OXSR1: variants seen among roughly 807,000 people sequenced by gnomAD.
OXSR1 encodes the protein serine/threonine-protein kinase OSR1.
In OXSR1, 24 loss-of-function variants were observed where a neutral mutation model predicts 79.8. That is an observed-to-expected ratio of 0.30 (90% confidence interval 0.22 to 0.42). The LOEUF is 0.42. Ranked by LOEUF, OXSR1 falls within the 10% of genes least tolerant of loss-of-function variation. OXSR1 has a pLI of 1.00. For missense variants in OXSR1, 430 were observed against 618.4 expected (o/e 0.70, Z 3.23); for synonymous variants, 226 against 209.2 (o/e 1.08, Z -0.69).
intron 15 of OXSR1, 23 bp downstream of exon 15, chr3:38,250,041 A>T (rs776085628): frequency 1.7e-5 from 24 of 1,415,040 alleles, no homozygotes; most frequent in Non-Finnish European, 2.1e-5. Flanking sequence ...ATGGATTGAA[A>T]ACAAAATAGC....
intron 10 of OXSR1, among the ~76,000 whole-genome samples, chr3:38,233,125 G>C (rs1047670631): frequency 1.3e-5 from 2 of 152,160 alleles, no homozygotes; most frequent in African/African-American, 4.8e-5. Flanking sequence ...TTCTGCAGAA[G>C]GGTAAAAGAA....
At chr3:38,234,577 CA>C (rs1408612450) in intron 10 of OXSR1, among the ~76,000 whole-genome samples, 1 of 152,128 alleles carries the variant, frequency 6.6e-6, no homozygotes, top group Non-Finnish European at 1.5e-5. Context: ...TGGCTATAAT[CA>C]AAAAGACAGT....
In OXSR1 at chr3:38,224,675, A is replaced by G. The variant is rs1489594909; in HGVS notation, c.807A>G (p.Ser269=). The G allele has an allele frequency of 1.3e-6, 2 of 1,579,172 alleles. No homozygotes were observed. Among genetic ancestry groups the G allele is most frequent in the South Asian group, 2.3e-5 (2 of 85,784 alleles). ...KYGKSFRKMI[S]LCLQKDPEKR... is the part of the protein sequence containing the mutation. ...GAAAATCATTTAGAAAAATGATTTC[A>G]TTGTGCCTTCAAAAAGATCCAGAAA... The change falls in exon 8 of 18, where the codon TCA becomes TCG. Residue 269 remains serine, a synonymous_variant. Coordinates refer to ENST00000311806, the MANE Select transcript of OXSR1 (RefSeq NM_005109.3).
intron 1 of OXSR1, among the ~76,000 whole-genome samples, chr3:38,180,473 T>A (rs552728945): frequency 6.6e-6 from 1 of 152,098 alleles, no homozygotes; most frequent in Non-Finnish European, 1.5e-5. Flanking sequence ...CAAACAGTGT[T>A]TTTAGGCATG....
intron 7 of OXSR1, among the ~76,000 whole-genome samples, chr3:38,224,342 A>G (rs1395560538): frequency 6.6e-6 from 1 of 152,244 alleles, no homozygotes; most frequent in East Asian, 1.9e-4. Flanking sequence ...TTAAGGCTGA[A>G]TAATATCCAT....
chr3:38,246,285 G>A (rs1024743184), intron 13 of OXSR1, 64 bp downstream of exon 13: 18 of 1,491,944 alleles, frequency 1.2e-5, no homozygotes, highest in Middle Eastern at 3.5e-4. Context: ...AGATATTAAC[G>A]TGGAATATAA....
At chr3:38,194,753 G>C (rs1057257208) in intron 3 of OXSR1, among the ~76,000 whole-genome samples, 1 of 152,034 alleles carries the variant, frequency 6.6e-6, no homozygotes, top group Admixed American at 6.6e-5. Context: ...GAGGCTTACT[G>C]ATAAGCAAAG....
At chr3:38,228,632 A>G (rs1320782235) in intron 8 of OXSR1, among the ~76,000 whole-genome samples, 1 of 152,136 alleles carries the variant, frequency 6.6e-6, no homozygotes, top group Non-Finnish European at 1.5e-5. Context: ...GTACAGTGGC[A>G]CAATCTTGGC....
At chr3:38,165,522 A>C, upstream of OXSR1, 2 of 250,148 alleles carry the variant, frequency 8.0e-6, no homozygotes, top group Non-Finnish European at 1.5e-5. Flanking sequence ...CAGGTGGAGG[A>C]AGAGGGGAAA....
intron 5 of OXSR1, among the ~76,000 whole-genome samples, chr3:38,219,751 C>G (rs1489520352): frequency 1.3e-5 from 2 of 151,178 alleles, no homozygotes; most frequent in East Asian, 3.9e-4. Context: ...TTAGATATTT[C>G]CCGGTTTAGG....
At chr3:38,184,676 T>G (rs1701846718) in intron 2 of OXSR1, among the ~76,000 whole-genome samples, 1 of 152,106 alleles carries the variant, frequency 6.6e-6, no homozygotes, top group Admixed American at 6.5e-5. Flanking sequence ...CACTTGATGA[T>G]AATAGCAAAC....
intron 13 of OXSR1, among the ~76,000 whole-genome samples, chr3:38,247,346 A>G (rs1703163117): frequency 6.6e-6 from 1 of 152,118 alleles, no homozygotes; most frequent in Non-Finnish European, 1.5e-5. Flanking sequence ...AAAAATGAGA[A>G]ACCTAGCTTT....
chr3:38,230,479 G>A, intron 10 of OXSR1, 49 bp downstream of exon 10: 1 of 1,286,272 alleles, frequency 7.8e-7, no homozygotes, highest in Non-Finnish European at 1.1e-6. Context: ...CTTTATTTTT[G>A]CATTTTGAAA....
chr3:38,165,703 G>A lies in OXSR1; in HGVS notation c.-174G>A. The A allele has an allele frequency of 5.3e-6, 3 of 570,864 alleles. No homozygotes were observed. In the South Asian group the frequency reaches 6.4e-5, roughly 12 times the overall value. 35.4% of individuals were successfully genotyped at this position (570,864 alleles called of 1,614,324 possible). ...TCCGCCGGAGCTCTGAGCCCCCGCT[G>A]CTCTGCCGCGCGGTGACCCCGCGCC... On this transcript the variant is annotated 5_prime_UTR_variant, in exon 1 of 18. Coordinates refer to ENST00000311806, the MANE Select transcript of OXSR1 (RefSeq NM_005109.3).
intron 1 of OXSR1, among the ~76,000 whole-genome samples, chr3:38,168,530 G>A (rs748497763): frequency 6.6e-6 from 1 of 151,804 alleles, no homozygotes; most frequent in Non-Finnish European, 1.5e-5. Flanking sequence ...TATAATTTAC[G>A]TACCATAAGA....
rs1703294326 is a variant in OXSR1 at position 38,253,124 on chromosome 3, T to C, written c.*233T>C. On this transcript the variant is annotated 3_prime_UTR_variant, in exon 18 of 18. Transcript: ENST00000311806. Reference sequence around the variant, plus strand: ...GTTCCGTTAGTAAACTTACTTCATATGTCCCCTGTCTTCCTCCATCTGAGA... The same window carrying C: ...GTTCCGTTAGTAAACTTACTTCATACGTCCCCTGTCTTCCTCCATCTGAGA... The C allele has an allele frequency of 9.3e-6, 5 of 536,088 alleles. No individual in the cohort carries two copies. The highest frequency in any genetic ancestry group is 1.7e-5 in the Non-Finnish European group (5 of 300,058). The allele number at this position is 536,088 out of a possible 1,614,324, so 33.2% of individuals were successfully genotyped here.
In OXSR1 at chr3:38,246,211, A is replaced by G. The variant is rs1468582542; in HGVS notation, c.1247A>G (p.Lys416Arg). ...CTCCCACCCACCGCAGAGCCAGCAA[A>G]AACAGCTCAGGTAAAGCCGGGGATA... The part of the protein sequence containing the change: ...VSLPPTAEPA[K>R]TAQALSSGSG... Residue 416 changes from lysine (K) to arginine (R), a missense_variant, in exon 13 of 18, where the codon AAA becomes AGA. Physicochemically the swap from Lys to Arg is conservative, Grantham distance 26 (BLOSUM62 2). Transcript: ENST00000311806. The G allele has an allele frequency of 6.2e-7, 1 of 1,613,600 alleles. No individual in the cohort carries two copies. The highest frequency in any genetic ancestry group is 2.2e-5 in the East Asian group (1 of 44,882).
intron 4 of OXSR1, 35 bp from the exon 5 acceptor site, chr3:38,216,060 GT>G: frequency 7.5e-7 from 1 of 1,340,074 alleles, no homozygotes; most frequent in Non-Finnish European, 1.0e-6. Flanking sequence ...AAGAATAGAT[GT>G]TTTTTGATAC....
At chr3:38,167,002 T>C (rs2125796643) in intron 1 of OXSR1, among the ~76,000 whole-genome samples, 1 of 152,142 alleles carries the variant, frequency 6.6e-6, no homozygotes, top group East Asian at 1.9e-4. Context: ...TACAGAGGGA[T>C]ATAGAGATGC....
Sources: allele counts gnomAD v4.1 joint callset (sites outside exome capture counted in the v4.1 genomes callset), GRCh38; gene constraint gnomAD v4.1.1; transcripts MANE v1.5; gene names NCBI Gene and HGNC (gene_info 2026-07-23, HGNC 2026-07-21).